BBS9: variants seen among roughly 807,000 people sequenced by gnomAD.
The protein encoded by BBS9 is Bardet-Biedl syndrome 9, also known as protein PTHB1.
BBS9 carries 89 observed loss-of-function variants against 117.7 expected under a neutral mutation model. The ratio of observed to expected loss-of-function variants is 0.76; its 90% CI spans 0.64 to 0.90. The LOEUF is 0.90. Among genes scored for constraint, BBS9 ranks in the 40% least tolerant of loss-of-function variants. The probability of loss-of-function intolerance (pLI) is 0.00; values close to 1 mark genes in which losing one functional copy is unlikely to be tolerated. For missense variants in BBS9, 982 were observed against 1,042.2 expected (o/e 0.94, Z 0.80); for synonymous variants, 379 against 370.9 (o/e 1.02, Z -0.25).
chr7:33,453,198 A>G (rs945981422), intron 19 of BBS9, among the ~76,000 whole-genome samples: 6 of 152,136 alleles, frequency 3.9e-5, no homozygotes, highest in African/African-American at 1.4e-4. Context: ...TGCTCTTTGC[A>G]TGGTCTTATG....
intron 15 of BBS9, among the ~76,000 whole-genome samples, chr7:33,354,791 G>A (rs1819331409): frequency 6.6e-6 from 1 of 151,964 alleles, no homozygotes. Flanking sequence ...GTTAGAGGTA[G>A]TTTTGATGAG....
At chr7:33,447,056 G>A (rs950006467) in intron 19 of BBS9, among the ~76,000 whole-genome samples, 2 of 152,192 alleles carry the variant, frequency 1.3e-5, no homozygotes, top group African/African-American at 4.8e-5. Context: ...TGAAGGATCA[G>A]GCCTTAGAAG....
At chr7:33,315,344 C>T (rs1205261167) in intron 9 of BBS9, among the ~76,000 whole-genome samples, 1 of 152,160 alleles carries the variant, frequency 6.6e-6, no homozygotes, top group East Asian at 1.9e-4. Context: ...GCTCTCTCCC[C>T]TGTGTTTCTC....
chr7:33,369,976 A>G (rs1202388357), intron 17 of BBS9, among the ~76,000 whole-genome samples: 1 of 152,202 alleles, frequency 6.6e-6, no homozygotes, highest in Non-Finnish European at 1.5e-5. Flanking sequence ...GGTTCCGTGT[A>G]TTCATCTCTT....
chr7:33,274,284 T>C (rs976378555), intron 9 of BBS9, among the ~76,000 whole-genome samples: 1 of 152,194 alleles, frequency 6.6e-6, no homozygotes, highest in Non-Finnish European at 1.5e-5. Flanking sequence ...ATGAGTCCCT[T>C]TTAGAGAACA....
At chr7:33,622,749 C>G (rs1865469676) in intron 21 of BBS9, among the ~76,000 whole-genome samples, 1 of 152,006 alleles carries the variant, frequency 6.6e-6, no homozygotes, top group Non-Finnish European at 1.5e-5. Context: ...ACTAATAGAC[C>G]AATGCATCAT....
rs190189109 is a variant in BBS9 at position 33,435,551 on chromosome 7, A to G, written c.2115+47407A>G. Among the ~76,000 whole-genome samples, 16 of 70,140 alleles carry G rather than the reference A, an allele frequency of 2.3e-4. No homozygotes were observed. The East Asian group carries it at 7.3e-3, about 32-fold the overall frequency. The allele number at this position is 70,140 out of a possible 152,430, so 46.0% of individuals were successfully genotyped here. A position where few individuals can be genotyped will look rare whatever the true frequency, so the allele number is the denominator to read the frequency against. ...ACTCTATTAAGTATGCAGCACTCAG[A>G]AAAGTAATGCCTTCAAAAATGTTTT... On this transcript the variant is annotated intron_variant, in intron 19 of 22. Coordinates refer to ENST00000242067, the MANE Select transcript of BBS9 (RefSeq NM_198428.3).
At chr7:33,201,232 C>T (rs1051895803) in intron 5 of BBS9, among the ~76,000 whole-genome samples, 1 of 152,076 alleles carries the variant, frequency 6.6e-6, no homozygotes, top group Non-Finnish European at 1.5e-5. Context: ...CTGCCCCATT[C>T]CCATGCTCTT....
chr7:33,530,625 T>G (rs2129055421), intron 20 of BBS9, among the ~76,000 whole-genome samples: 1 of 152,344 alleles, frequency 6.6e-6, no homozygotes, highest in South Asian at 2.1e-4. Context: ...CCATTATTAC[T>G]GAAATTCAAA....
At chr7:33,260,092 C>T (rs527546411) in intron 6 of BBS9, among the ~76,000 whole-genome samples, 2 of 151,912 alleles carry the variant, frequency 1.3e-5, no homozygotes, top group Admixed American at 6.5e-5. Flanking sequence ...CTCTGCCTCC[C>T]GCGTTCAAGC....
chr7:33,221,338 C>G (rs1790207226), intron 5 of BBS9, among the ~76,000 whole-genome samples: 2 of 152,058 alleles, frequency 1.3e-5, no homozygotes. Context: ...AGCAAGTAGT[C>G]AATATCTGGA....
At chr7:33,588,923 C>T (rs375283741) in intron 21 of BBS9, among the ~76,000 whole-genome samples, 4 of 152,210 alleles carry the variant, frequency 2.6e-5, no homozygotes, top group African/African-American at 9.6e-5. Flanking sequence ...GGGACCAGAT[C>T]ATGTGCAGCC....
intron 19 of BBS9, among the ~76,000 whole-genome samples, chr7:33,427,069 C>T (rs911722887): frequency 1.3e-5 from 2 of 152,102 alleles, no homozygotes; most frequent in African/African-American, 4.8e-5. Flanking sequence ...GCTCAGGGTT[C>T]TTCTCCTGTA....
chr7:33,206,222 A>G (rs1048363297), intron 5 of BBS9, among the ~76,000 whole-genome samples: 10 of 152,218 alleles, frequency 6.6e-5, no homozygotes, highest in African/African-American at 2.4e-4. Flanking sequence ...GATTCAAATG[A>G]AGGGATTTTA....
chr7:33,424,460 GT>G (rs1157117228), intron 19 of BBS9, among the ~76,000 whole-genome samples: 3 of 151,862 alleles, frequency 2.0e-5, no homozygotes, highest in South Asian at 2.1e-4. Context: ...GAGAAGAGAT[GT>G]TTTTTTTAAA....
At chr7:33,151,909 G>C (rs1458419464) in intron 2 of BBS9, among the ~76,000 whole-genome samples, 1 of 137,744 alleles carries the variant, frequency 7.3e-6, no homozygotes, top group Non-Finnish European at 1.5e-5. Context: ...CCAGGCTAGA[G>C]TACAGTGGCA....
intron 19 of BBS9, among the ~76,000 whole-genome samples, chr7:33,419,083 T>C (rs188418064): frequency 4.4e-4 from 67 of 152,286 alleles, no homozygotes; most frequent in South Asian, 1.7e-3. Flanking sequence ...CTTTTTTTTT[T>C]CATGTGAATT....
At chr7:33,478,503 T>G (rs558710774) in intron 19 of BBS9, among the ~76,000 whole-genome samples, 1 of 152,316 alleles carries the variant, frequency 6.6e-6, no homozygotes, top group Non-Finnish European at 1.5e-5. Context: ...TAAGGTGCAG[T>G]AGAGTTAAAA....
chr7:33,461,642 A>G (rs891288410), intron 19 of BBS9, among the ~76,000 whole-genome samples: 1 of 151,988 alleles, frequency 6.6e-6, no homozygotes, highest in African/African-American at 2.4e-5. Flanking sequence ...TCTATTTTCC[A>G]TATGACTTCA....
Sources: gnomAD v4.1 joint callset for allele counts (sites outside exome capture counted in the v4.1 genomes callset) on GRCh38, gnomAD v4.1.1 for gene constraint, MANE v1.5 for transcripts, NCBI Gene and HGNC (gene_info 2026-07-23, HGNC 2026-07-21) for gene names.